STIM2: variants seen among roughly 807,000 people sequenced by gnomAD.
STIM2 encodes stromal interaction molecule 2.
In STIM2, 31 loss-of-function variants were observed where a neutral mutation model predicts 85.8. The ratio of observed to expected loss-of-function variants is 0.36; its 90% CI spans 0.27 to 0.49. The LOEUF (loss-of-function observed/expected upper bound fraction) is 0.49, where lower values mean the gene tolerates loss of function less well. Ranked by LOEUF, STIM2 falls within the 20% of genes least tolerant of loss-of-function variation. The probability of loss-of-function intolerance (pLI) is 0.98; values close to 1 mark genes in which losing one functional copy is unlikely to be tolerated. For synonymous variants in STIM2, 356 were observed against 331.1 expected (o/e 1.08, Z -0.82); for missense variants, 841 against 927.6 (o/e 0.91, Z 1.21).
chr4:27,015,876 A>G (rs1173064089), intron 10 of STIM2, among the ~76,000 whole-genome samples: 1 of 150,512 alleles, frequency 6.6e-6, no homozygotes, highest in Non-Finnish European at 1.5e-5. Flanking sequence ...AACACTAGCC[A>G]TTATCTCTTT....
chr4:27,023,111 T>G lies in STIM2; in HGVS notation c.*115T>G. 9.8e-7 allele frequency: 1 copy of G among 1,016,374 alleles called. No homozygotes were observed. Among genetic ancestry groups the G allele is most frequent in the South Asian group, 1.6e-5 (1 of 64,076 alleles). The allele number at this position is 1,016,374 out of a possible 1,614,324, so 63.0% of individuals were successfully genotyped here. A position where few individuals can be genotyped will look rare whatever the true frequency, so the allele number is the denominator to read the frequency against. On this transcript the variant is annotated 3_prime_UTR_variant, in exon 12 of 12. Transcript: ENST00000467087. ...TTAGGAATGTAACTCCATTGGGGCT[T>G]TCCAGGCCGGATGCCATAGTGGAAC... is the stretch of plus-strand genomic sequence containing the variant.
intron 1 of STIM2, among the ~76,000 whole-genome samples, chr4:26,872,041 TG>T: frequency 6.6e-6 from 1 of 152,344 alleles, no homozygotes; most frequent in East Asian, 1.9e-4. Context: ...GAATAGAGCC[TG>T]GCAAGGGTAA....
At chr4:26,997,542 C>T (rs1728004161) in intron 4 of STIM2, among the ~76,000 whole-genome samples, 1 of 152,222 alleles carries the variant, frequency 6.6e-6, no homozygotes. Flanking sequence ...CCTCTGGACT[C>T]ATATTGAATC....
At chr4:26,981,969 C>CTT (rs143405031) in intron 3 of STIM2, among the ~76,000 whole-genome samples, 2,304 of 147,592 alleles carry the variant, frequency 0.016, 28 homozygotes, top group Non-Finnish European at 0.024. Flanking sequence ...ATGTGTAATT[C>CTT]TTTTTTTTTT....
chr4:26,958,893 A>G (rs1277751728), intron 3 of STIM2, among the ~76,000 whole-genome samples: 31 of 152,132 alleles, frequency 2.0e-4, no homozygotes, highest in Admixed American at 2.0e-3. Flanking sequence ...GTCTATTGCT[A>G]TTAGTATTTT....
chr4:27,021,391 AC>A (rs1728907370), intron 11 of STIM2: 2 of 441,664 alleles, frequency 4.5e-6, no homozygotes, highest in Non-Finnish European at 9.1e-6. Flanking sequence ...TAACCTGCGT[AC>A]CCTGGAGAAG....
intron 3 of STIM2, among the ~76,000 whole-genome samples, chr4:26,984,401 C>T (rs1560229862): frequency 6.6e-6 from 1 of 152,188 alleles, no homozygotes. Context: ...CACTCTGTTG[C>T]CCAGGCTGGA....
At chr4:26,862,165 G>A (rs1722237162) in intron 1 of STIM2, among the ~76,000 whole-genome samples, 1 of 152,038 alleles carries the variant, frequency 6.6e-6, no homozygotes, top group Non-Finnish European at 1.5e-5. Context: ...TTGAAAACTT[G>A]GAAACGTGTT....
chr4:26,998,160 T>G (rs144281074), intron 4 of STIM2, among the ~76,000 whole-genome samples: 15 of 152,348 alleles, frequency 9.8e-5, no homozygotes, highest in African/African-American at 3.4e-4. Flanking sequence ...TTGTCATTGT[T>G]ATTATTATTA....
intron 3 of STIM2, among the ~76,000 whole-genome samples, chr4:26,978,482 C>G (rs116599573): frequency 0.017 from 2,548 of 152,026 alleles, 35 homozygotes; most frequent in Non-Finnish European, 0.027. Flanking sequence ...CTGTTTCTTT[C>G]TGGATTTTGG....
intron 1 of STIM2, chr4:26,873,919 G>T: frequency 1.5e-6 from 2 of 1,360,658 alleles, no homozygotes; most frequent in Non-Finnish European, 2.1e-6. Context: ...GGACAGGGGC[G>T]CCTCCAGACA....
At chr4:26,881,106 C>T (rs970598700) in intron 1 of STIM2, among the ~76,000 whole-genome samples, 1 of 152,002 alleles carries the variant, frequency 6.6e-6, no homozygotes, top group South Asian at 2.1e-4. Context: ...AGAGTTATAG[C>T]GTTTGGGAAG....
intron 1 of STIM2, among the ~76,000 whole-genome samples, chr4:26,868,343 T>C (rs984532672): frequency 1.3e-5 from 2 of 152,240 alleles, no homozygotes; most frequent in Non-Finnish European, 2.9e-5. Context: ...TGTAACTTTT[T>C]TCTCTAGTCA....
chr4:26,934,149 G>A (rs934289404), intron 2 of STIM2, among the ~76,000 whole-genome samples: 1 of 152,032 alleles, frequency 6.6e-6, no homozygotes, highest in Non-Finnish European at 1.5e-5. Flanking sequence ...AGCCGAGATC[G>A]TGCCCCTGCC....
rs568825370 is a variant in STIM2 at position 26,976,201 on chromosome 4, C to T, written c.397+18475C>T. On this transcript the variant is annotated intron_variant, in intron 3 of 11. Coordinates refer to ENST00000467087, the MANE Select transcript of STIM2 (RefSeq NM_020860.4). ...GGAAATCCCCCGACCCCTTGCACTT[C>T]TCGGGTGATGCGATGCCCTGCCCTG... Among the ~76,000 whole-genome samples, 14 of 152,220 alleles carry T rather than the reference C, an allele frequency of 9.2e-5. No individual in the cohort carries two copies. The East Asian group carries it at 2.7e-3, about 30-fold the overall frequency.
intron 2 of STIM2, among the ~76,000 whole-genome samples, chr4:26,930,698 G>A (rs1277128085): frequency 6.6e-6 from 1 of 152,052 alleles, no homozygotes; most frequent in African/African-American, 2.4e-5. Flanking sequence ...GCAAAATTAG[G>A]ATTAGACAAA....
rs982587903 is a variant in STIM2 at position 26,887,468 on chromosome 4, T to C, written c.151+26099T>C. Among the ~76,000 whole-genome samples the C allele has an allele frequency of 3.9e-5, 6 of 152,212 alleles. No homozygotes were observed. In the East Asian group the frequency reaches 1.2e-3, roughly 29 times the overall value. On this transcript the variant is annotated intron_variant, in intron 1 of 11. Transcript: ENST00000467087. ...TTATAGACTGTCATTCATTAGCTCC[T>C]CAGATACTTTGGGTGGTTGGGAACT...
At chr4:26,982,117 A>G (rs1727419636) in intron 3 of STIM2, among the ~76,000 whole-genome samples, 1 of 152,154 alleles carries the variant, frequency 6.6e-6, no homozygotes, top group Non-Finnish European at 1.5e-5. Context: ...GAATTCCATC[A>G]TTCCTTCTAC....
Position 26,860,884 on chromosome 4 carries a change from C to T in STIM2, c.-335C>T, listed in dbSNP as rs1213613833. On this transcript the variant is annotated 5_prime_UTR_variant, in exon 1 of 12. Coordinates refer to ENST00000467087, the MANE Select transcript of STIM2 (RefSeq NM_020860.4). ...CTCGCCGCAGCAGCAGCGCGGGTGT[C>T]GTGCACCGCCTGAAGACGCCGTACC... 5 of 982,668 alleles carry T rather than the reference C, an allele frequency of 5.1e-6. No individual in the cohort carries two copies. The highest frequency in any genetic ancestry group is 3.4e-4 in the Middle Eastern group (1 of 2,908). The allele number at this position is 982,668 out of a possible 1,614,324, so 60.9% of individuals were successfully genotyped here.
Sources: allele counts gnomAD v4.1 joint callset (sites outside exome capture counted in the v4.1 genomes callset), GRCh38; gene constraint gnomAD v4.1.1; transcripts MANE v1.5; gene names NCBI Gene and HGNC (gene_info 2026-07-23, HGNC 2026-07-21).